Variants in PRRC2C observed in about 807,000 individuals in gnomAD.
The protein encoded by PRRC2C is proline rich coiled-coil 2C.
Under a neutral mutation model 317.2 loss-of-function variants are expected in PRRC2C, and 72 were observed. That is an observed-to-expected ratio of 0.23 (90% CI 0.19 to 0.28). PRRC2C has a LOEUF of 0.28. Among genes scored for constraint, PRRC2C ranks in the 10% least tolerant of loss-of-function variants. PRRC2C has a pLI of 1.00. For synonymous variants in PRRC2C, 1,296 were observed against 1,205.9 expected (o/e 1.07, Z -1.55); for missense variants, 3,074 against 3,459.7 (o/e 0.89, Z 2.80).
At chr1:171,502,081 C>G (rs1377338022) in intron 1 of PRRC2C, among the ~76,000 whole-genome samples, 1 of 152,206 alleles carries the variant, frequency 6.6e-6, no homozygotes, top group Middle Eastern at 3.2e-3. Context: ...CACCACCACA[C>G]CCAGCTTTTT....
chr1:171,589,187 C>G (rs997576381), intron 33 of PRRC2C, among the ~76,000 whole-genome samples, 182 bp from the exon 34 acceptor site: 3 of 152,178 alleles, frequency 2.0e-5, no homozygotes, highest in African/African-American at 7.2e-5. Flanking sequence ...GTTAAACTCT[C>G]CAAGCATGGC....
At chr1:171,506,354 CTT>C (rs921135593) in intron 1 of PRRC2C, among the ~76,000 whole-genome samples, 3 of 152,250 alleles carry the variant, frequency 2.0e-5, no homozygotes, top group African/African-American at 7.2e-5. Context: ...AACATTTTCT[CTT>C]GTTACTTTTA....
At position 171,591,731 on chromosome 1, in the gene PRRC2C, G is replaced by T. The variant is rs773123873; in HGVS notation, c.8581G>T (p.Val2861Phe). The change falls in exon 35 of 35, where the codon GTC (valine) becomes TTC (phenylalanine). Residue 2861 changes from valine (V) to phenylalanine (F), a missense_variant. By Grantham distance (50) the Val-to-Phe change is conservative (BLOSUM62 -1). Coordinates refer to ENST00000647382, the MANE Select transcript of PRRC2C (RefSeq NM_001387844.1). ...PPETLTDPPGVCQEKVEEKPP... is the reference protein window; with the variant it reads ...PPETLTDPPGFCQEKVEEKPP... ...TGAAACACTGACCGACCCTCCTGGGGTCTGTCAGGAAAAAGTAGAAGAAAA... is the reference window on the plus strand; with the variant it reads ...TGAAACACTGACCGACCCTCCTGGGTTCTGTCAGGAAAAAGTAGAAGAAAA... 6 of 1,613,738 alleles carry T rather than the reference G, an allele frequency of 3.7e-6. No individual in the cohort carries two copies. The Admixed American group carries it at 6.7e-5, about 18-fold the overall frequency.
chr1:171,541,019 C>A lies in PRRC2C; in HGVS notation c.3553C>A (p.Gln1185Lys). ...EARERDWFPDQGYRGRGRGEY... is the reference protein window; with the variant it reads ...EARERDWFPDKGYRGRGRGEY... Reference sequence around the variant, plus strand: ...TAGAGAGAGAGATTGGTTTCCAGATCAAGGATACAGAGGTCGAGGCCGAGG... The same window carrying A: ...TAGAGAGAGAGATTGGTTTCCAGATAAAGGATACAGAGGTCGAGGCCGAGG... The change falls in exon 16 of 35, where the codon CAA (glutamine) becomes AAA (lysine). Residue 1185 changes from glutamine (Q) to lysine (K), a missense_variant. This residue lies in a region of PRRC2C where 1,320 missense variants were observed against 1,395.7 expected (regional missense o/e 0.95). Coordinates refer to ENST00000647382, the MANE Select transcript of PRRC2C (RefSeq NM_001387844.1). This position sits in a 1 kb window ranked among gnomAD's most constrained non-coding sequence, Gnocchi z 4.1. 6.2e-7 allele frequency: 1 copy of A among 1,613,376 alleles called. No individual in the cohort carries two copies. The highest frequency in any genetic ancestry group is 1.1e-5 in the South Asian group (1 of 90,994).
chr1:171,591,876 A>AGGGGGGGGGGG lies in PRRC2C; in HGVS notation c.*35_*36insGGGGGGGGGGG. The AGGGGGGGGGGG allele has an allele frequency of 1.6e-6, 1 of 616,310 alleles. No homozygotes were observed. Among genetic ancestry groups the AGGGGGGGGGGG allele is most frequent in the Non-Finnish European group, 2.6e-6 (1 of 381,330 alleles). The allele number at this position is 616,310 out of a possible 1,614,324, so 38.2% of individuals were successfully genotyped here. On this transcript the variant is annotated 3_prime_UTR_variant, in exon 35 of 35. Transcript: ENST00000647382. ...CTATGGTTTATTGCAGGGGATTGGG[A>AGGGGGGGGGGG]GGGGGGCGGGAAAACATGGAGAATT... is the stretch of plus-strand genomic sequence containing the variant.
Position 171,566,309 on chromosome 1 carries a change from G to GAAATGA in PRRC2C, c.6202_6207dup (p.Asn2068_Glu2069dup). The GAAATGA allele has an allele frequency of 6.2e-7, 1 of 1,608,646 alleles. No individual in the cohort carries two copies. Among genetic ancestry groups the GAAATGA allele is most frequent in the African/African-American group, 1.3e-5 (1 of 74,958 alleles). On this transcript the variant is annotated inframe_insertion, in exon 21 of 35. Transcript: ENST00000647382. ...CAGTTTGGTGCTCCAGCCTCAAATG[G>GAAATGA]AAATGAAAATGAAGTTGTTCCTGTG...
chr1:171,510,716 A>G (rs1418961065), intron 1 of PRRC2C: 1 of 152,170 alleles, frequency 6.6e-6, no homozygotes, highest in Middle Eastern at 3.2e-3. Flanking sequence ...TCAAGGAAAG[A>G]TGGTTTATTG....
intron 6 of PRRC2C, among the ~76,000 whole-genome samples, chr1:171,519,338 G>A (rs1166770566): frequency 6.6e-6 from 1 of 152,200 alleles, no homozygotes; most frequent in Non-Finnish European, 1.5e-5. Flanking sequence ...CAAATATTAT[G>A]TTAGTATTCC....
chr1:171,558,121 G>A lies in PRRC2C; in HGVS notation c.6009G>A (p.Val2003=). ...ATAACAAGGTGGCCCCACCAGCTGT[G>A]CTGAATGATATCTCTAAGAAATGTA... ...LWDNKVAPPA[V]LNDISKKLGP... is the part of the protein sequence containing the mutation. Residue 2003 remains valine (V), a synonymous_variant, in exon 19 of 35, where the codon GTG becomes GTA. Transcript: ENST00000647382. 6.2e-7 allele frequency: 1 copy of A among 1,612,700 alleles called. No individual in the cohort carries two copies. Among genetic ancestry groups the A allele is most frequent in the African/African-American group, 1.3e-5 (1 of 75,004 alleles).
At chr1:171,517,209 A>G (rs1488903763) in intron 5 of PRRC2C, among the ~76,000 whole-genome samples, 1 of 152,180 alleles carries the variant, frequency 6.6e-6, no homozygotes, top group East Asian at 1.9e-4. Flanking sequence ...ATCACTGTCA[A>G]CCCTTCCAGA....
At chr1:171,495,152 C>T (rs1166210185) in intron 1 of PRRC2C, among the ~76,000 whole-genome samples, 1 of 152,158 alleles carries the variant, frequency 6.6e-6, no homozygotes, top group East Asian at 1.9e-4. Context: ...ACATAAAATT[C>T]AGTGGAACTG....
At position 171,573,742 on chromosome 1, in the gene PRRC2C, T is replaced by C. The variant is rs558600071; in HGVS notation, c.6754-1185T>C. Among the ~76,000 whole-genome samples the C allele has an allele frequency of 8.0e-5, 11 of 137,232 alleles. No homozygotes were observed. The East Asian group carries it at 2.2e-3, about 27-fold the overall frequency. 90.0% of individuals were successfully genotyped at this position (137,232 alleles called of 152,430 possible). A position where few individuals can be genotyped will look rare whatever the true frequency, so the allele number is the denominator to read the frequency against. ...CGCCCAGGCTGGAGTGCAGTGGCGC[T>C]ATCTCGGCTCACTGCAACCTCTGCC... On this transcript the variant is annotated intron_variant, in intron 24 of 34. Coordinates refer to ENST00000647382, the MANE Select transcript of PRRC2C (RefSeq NM_001387844.1).
At chr1:171,486,023 C>CA (rs1197339623) in intron 1 of PRRC2C, among the ~76,000 whole-genome samples, 6 of 152,014 alleles carry the variant, frequency 3.9e-5, no homozygotes, top group Non-Finnish European at 8.8e-5. Context: ...ACCTAGACCC[C>CA]AGTCCTGGCC....
chr1:171,541,588 C>A lies in PRRC2C; in HGVS notation c.4122C>A (p.Asp1374Glu). Residue 1374 changes from aspartate (D) to glutamate (E), a missense_variant, in exon 16 of 35, where the codon GAC (aspartate) becomes GAA (glutamate). This residue lies in a region of PRRC2C where 1,320 missense variants were observed against 1,395.7 expected (regional missense o/e 0.95). Coordinates refer to ENST00000647382, the MANE Select transcript of PRRC2C (RefSeq NM_001387844.1). This position sits in a 1 kb window ranked among gnomAD's most constrained non-coding sequence, Gnocchi z 4.1. ...PSTLRRPAYR[D>E]NQWNPRQSEV... The stretch of plus-strand genomic sequence containing the variant: ...CTTTACGAAGACCAGCTTATCGGGA[C>A]AATCAGTGGAACCCAAGGCAGTCAG... The A allele has an allele frequency of 5.6e-6, 9 of 1,613,752 alleles. No individual in the cohort carries two copies. The highest frequency in any genetic ancestry group is 6.8e-6 in the Non-Finnish European group (8 of 1,179,862).
chr1:171,511,391 ATTTAT>A (rs1226389779), intron 1 of PRRC2C: 1 of 149,032 alleles, frequency 6.7e-6, no homozygotes. Context: ...TGAAAATGTT[ATTTAT>A]TTCTAACAAC....
chr1:171,528,773 T>C (rs1399880486), intron 11 of PRRC2C, among the ~76,000 whole-genome samples: 1 of 152,142 alleles, frequency 6.6e-6, no homozygotes, highest in East Asian at 1.9e-4. Flanking sequence ...AAATCTCAGC[T>C]GAGTCATTGA....
rs1401794195 is a variant in PRRC2C, at chr1:171,557,604, C to T, written c.5492C>T (p.Thr1831Ile). 2 of 1,551,720 alleles carry T rather than the reference C, an allele frequency of 1.3e-6. No homozygotes were observed. The highest frequency in any genetic ancestry group is 3.9e-5 in the Admixed American group (2 of 51,000). Residue 1831 changes from threonine (T) to isoleucine (I), a missense_variant, in exon 19 of 35, where the codon ACC becomes ATC. Thr to Ile is a moderately conservative substitution (Grantham distance 89). Transcript: ENST00000647382. ...VPASTSAAAI[T>I]SSSAPASAPA... Reference sequence around the variant, plus strand: ...GCCTCTACTTCAGCTGCAGCTATAACCTCTTCTTCAGCTCCAGCCTCAGCC... The same window carrying T: ...GCCTCTACTTCAGCTGCAGCTATAATCTCTTCTTCAGCTCCAGCCTCAGCC...
chr1:171,541,245 G>A lies in PRRC2C; in HGVS notation c.3779G>A (p.Arg1260Lys), dbSNP rs781462146. ...SSDFEVVPKR[R>K]RQRGSETDTD... ...GATTTTGAAGTTGTCCCCAAAAGAA[G>A]ACGACAGCGGGGTTCAGAGACTGAC... Residue 1260 changes from arginine (R) to lysine (K), a missense_variant, in exon 16 of 35, where the codon AGA becomes AAA. By Grantham distance (26) the Arg-to-Lys change is conservative. Transcript: ENST00000647382. The surrounding 1 kb of genome is among the most constrained non-coding windows in gnomAD (Gnocchi z 4.1). 1 of 1,613,856 alleles carries A rather than the reference G, an allele frequency of 6.2e-7. No homozygotes were observed. Among genetic ancestry groups the A allele is most frequent in the Middle Eastern group, 1.6e-4 (1 of 6,062 alleles).
At position 171,532,685 on chromosome 1, in the gene PRRC2C, A is replaced by T; in HGVS notation, c.1597A>T (p.Arg533Trp). 1 of 1,551,580 alleles carries T rather than the reference A, an allele frequency of 6.4e-7. No individual in the cohort carries two copies. Among genetic ancestry groups the T allele is most frequent in the Non-Finnish European group, 8.7e-7 (1 of 1,147,026 alleles). The change falls in exon 12 of 35, where the codon AGG (arginine) becomes TGG (tryptophan). Residue 533 changes from arginine (R) to tryptophan (W), a missense_variant. Coordinates refer to ENST00000647382, the MANE Select transcript of PRRC2C (RefSeq NM_001387844.1). ...KEQEQEREKE[R>W]EKDRERQQEK... ...ACAAGAACAGGAGCGAGAGAAGGAG[A>T]GGGAAAAAGACAGAGAGAGACAGCA...
Sources: allele counts gnomAD v4.1 joint callset (sites outside exome capture counted in the v4.1 genomes callset), GRCh38; gene constraint gnomAD v4.1.1; regional missense constraint gnomAD v4.1.1; non-coding constraint Gnocchi (gnomAD v3.1); transcripts MANE v1.5; gene names NCBI Gene and HGNC (gene_info 2026-07-23, HGNC 2026-07-21).